The following EVI5 variants were observed in gnomAD, a reference collection of about 807,000 sequenced individuals.
The protein encoded by EVI5 is ecotropic viral integration site 5 protein homolog.
EVI5 carries 73 observed loss-of-function variants against 112.0 expected under a neutral mutation model. The observed-to-expected ratio is 0.65, with a 90% CI of 0.54 to 0.79. The LOEUF (loss-of-function observed/expected upper bound fraction) is 0.79. EVI5 is among the 30% of genes least tolerant of loss of function. EVI5 has a pLI of 0.00. For synonymous variants in EVI5, 305 were observed against 319.9 expected, an observed-to-expected ratio of 0.95 and a Z score of 0.50; for missense variants, 900 against 968.8, an observed-to-expected ratio of 0.93 and a Z score of 0.94.
chr1:92,700,697 A>C (rs1330895561), intron 5 of EVI5: 1 of 152,180 alleles, frequency 6.6e-6, no homozygotes, highest in Non-Finnish European at 1.5e-5. Flanking sequence ...TCAAGCAGAG[A>C]AAAACTGCTC....
chr1:92,670,964 C>T (rs1277666330), intron 10 of EVI5, among the ~76,000 whole-genome samples: 2 of 152,072 alleles, frequency 1.3e-5, no homozygotes, highest in African/African-American at 4.8e-5. Context: ...TGATTATCCC[C>T]CATTCTTAAT....
chr1:92,625,792 A>G lies in EVI5; in HGVS notation c.1668+2T>C. 6.2e-7 allele frequency: 1 copy of G among 1,610,362 alleles called. No individual in the cohort carries two copies. Among genetic ancestry groups the G allele is most frequent in the Non-Finnish European group, 8.5e-7 (1 of 1,178,454 alleles). On this transcript the variant is annotated splice_donor_variant, in intron 15 of 19. Transcript: ENST00000684568. LOFTEE classifies it high-confidence loss of function. The stretch of plus-strand genomic sequence containing the variant: ...AAAAGCACACAAAATATATTAATAT[A>G]CCTGCCAGTGTTCCTCTAAATCCTT...
chr1:92,654,055 G>C (rs1662606350), intron 13 of EVI5, among the ~76,000 whole-genome samples: 1 of 151,876 alleles, frequency 6.6e-6, no homozygotes, highest in Non-Finnish European at 1.5e-5. Flanking sequence ...CTCATCATTG[G>C]GGAATCCAAG....
rs1180249988 is a variant in EVI5 at position 92,736,501 on chromosome 1, A to T, written c.46T>A (p.Ser16Thr). Residue 16 changes from serine (S) to threonine (T), a missense_variant, in exon 2 of 20, where the codon TCC becomes ACC. Transcript: ENST00000684568. Reference sequence around the variant, plus strand: ...GGTGTTGATAGTGTGGTAGATGAGGATGTGGTATGTAATGAAGTAGATGGA... The same window carrying T: ...GGTGTTGATAGTGTGGTAGATGAGGTTGTGGTATGTAATGAAGTAGATGGA... ...ASPSTSLHTTSSSTTLSTPAL... is the reference protein window; with the variant it reads ...ASPSTSLHTTTSSTTLSTPAL... 2 of 1,613,776 alleles carry T rather than the reference A, an allele frequency of 1.2e-6. No homozygotes were observed. The highest frequency in any genetic ancestry group is 2.2e-5 in the East Asian group (1 of 44,870).
At chr1:92,551,664 C>A (rs6603986) in intron 19 of EVI5, among the ~76,000 whole-genome samples, 109,595 of 152,014 alleles carry the variant, frequency 0.72, 40,302 homozygotes, top group East Asian at 0.94. Flanking sequence ...GTTTATATTT[C>A]ATTTTCTCAT....
Position 92,636,265 on chromosome 1 carries a change from C to T in EVI5, c.1464G>A (p.Leu488=). 1 of 1,613,328 alleles carries T rather than the reference C, an allele frequency of 6.2e-7. No individual in the cohort carries two copies. Among genetic ancestry groups the T allele is most frequent in the South Asian group, 1.1e-5 (1 of 91,066 alleles). ...QLEKELVQAR[L]SEAESQCALK... Reference sequence around the variant, plus strand: ...ATGCACACTGAGACTCAGCTTCACTCAGTCGGGCTTGGACCAATTCCTTCT... The same window carrying T: ...ATGCACACTGAGACTCAGCTTCACTTAGTCGGGCTTGGACCAATTCCTTCT... The change falls in exon 14 of 20, where the codon CTG becomes CTA. Residue 488 remains leucine (L), a synonymous_variant. Coordinates refer to ENST00000684568, the MANE Select transcript of EVI5 (RefSeq NM_001350197.2).
chr1:92,748,083 A>G (rs1443123763), intron 1 of EVI5, among the ~76,000 whole-genome samples: 1 of 152,188 alleles, frequency 6.6e-6, no homozygotes, highest in Non-Finnish European at 1.5e-5. Context: ...ACACAATCCA[A>G]TCTGTAACAC....
intron 1 of EVI5, among the ~76,000 whole-genome samples, chr1:92,761,188 T>A (rs1347613823): frequency 6.6e-6 from 1 of 152,136 alleles, no homozygotes; most frequent in Non-Finnish European, 1.5e-5. Context: ...TACCTCAAGT[T>A]TCATAGTAAG....
intron 2 of EVI5, among the ~76,000 whole-genome samples, chr1:92,709,372 A>T (rs1000617946): frequency 2.0e-5 from 3 of 152,202 alleles, no homozygotes; most frequent in Non-Finnish European, 4.4e-5. Flanking sequence ...CAATATTTGT[A>T]AAAAATATTA....
Position 92,510,466 on chromosome 1 carries a change from T to G in EVI5, c.*3190A>C, listed in dbSNP as rs1886683. 129,739 of 152,232 alleles carry G rather than the reference T, an allele frequency of 0.85. 55,683 individuals carry two copies. The highest frequency in any genetic ancestry group is 0.97 in the East Asian group (5,027 of 5,192). 9.4% of individuals were successfully genotyped at this position (152,232 alleles called of 1,614,324 possible). A position where few individuals can be genotyped will look rare whatever the true frequency, so the allele number is the denominator to read the frequency against. ...CCCTTTTGAATAGTTCTGATTATAA[T>G]ATCCACCATGAAATTTTACGTTTCC... On this transcript the variant is annotated 3_prime_UTR_variant, in exon 20 of 20. Coordinates refer to ENST00000684568, the MANE Select transcript of EVI5 (RefSeq NM_001350197.2).
intron 19 of EVI5, among the ~76,000 whole-genome samples, chr1:92,517,529 TA>T (rs1660118590): frequency 6.6e-6 from 1 of 152,178 alleles, no homozygotes; most frequent in South Asian, 2.1e-4. Context: ...AACTCTTAAT[TA>T]TTTAGGACAA....
chr1:92,605,457 A>G (rs1201009235), intron 17 of EVI5, 55 bp from the exon 18 acceptor site: 1 of 1,220,580 alleles, frequency 8.2e-7, no homozygotes, highest in Non-Finnish European at 1.2e-6. Context: ...TGGAATTCAG[A>G]TTTTAGAAAA....
chr1:92,689,241 T>C (rs545903896), intron 9 of EVI5, among the ~76,000 whole-genome samples: 1 of 152,190 alleles, frequency 6.6e-6, no homozygotes, highest in Non-Finnish European at 1.5e-5. Context: ...CACAGCTTAC[T>C]TTGCAACCTT....
At position 92,747,716 on chromosome 1, in the gene EVI5, C is replaced by CAAAAAAAAAAAA. The variant is rs3042578; in HGVS notation, c.-81-11090_-81-11089insTTTTTTTTTTTT. 6.0e-5 allele frequency among the ~76,000 whole-genome samples: 5 copies of CAAAAAAAAAAAA among 83,546 alleles called. 2 individuals carry two copies. The highest frequency in any genetic ancestry group is 8.7e-5 in the Non-Finnish European group (4 of 45,718). 54.8% of individuals were successfully genotyped at this position (83,546 alleles called of 152,430 possible). ...GTGACAGAGCCAGACTCCATCTCAC[C>CAAAAAAAAAAAA]AAAAAAAAAAACAAAAAAAAAAACC... On this transcript the variant is annotated intron_variant, in intron 1 of 19. Coordinates refer to ENST00000684568, the MANE Select transcript of EVI5 (RefSeq NM_001350197.2).
chr1:92,696,882 T>A (rs1202527877), intron 6 of EVI5, among the ~76,000 whole-genome samples: 1 of 151,352 alleles, frequency 6.6e-6, no homozygotes, highest in East Asian at 2.0e-4. Context: ...ACTAAAAAAA[T>A]ACAAAAAATT....
chr1:92,789,878 G>A (rs12025561), upstream of EVI5, among the ~76,000 whole-genome samples: 19 of 152,332 alleles, frequency 1.2e-4, no homozygotes, highest in East Asian at 3.7e-3. Context: ...CACCAGAGAA[G>A]TCAAACCCAC....
chr1:92,735,607 TTA>T (rs1196669293), intron 2 of EVI5, among the ~76,000 whole-genome samples: 26 of 146,128 alleles, frequency 1.8e-4, no homozygotes, highest in African/African-American at 2.5e-5. Context: ...ATATTATGTA[TTA>T]TATATAATTA....
At chr1:92,713,455 T>C (rs1426874623) in intron 2 of EVI5, among the ~76,000 whole-genome samples, 2 of 151,900 alleles carry the variant, frequency 1.3e-5, no homozygotes, top group African/African-American at 4.8e-5. Context: ...TTTTTAAAAA[T>C]CATAAAATAC....
intron 2 of EVI5, among the ~76,000 whole-genome samples, chr1:92,729,509 T>G (rs1449834841): frequency 6.6e-6 from 1 of 152,182 alleles, no homozygotes; most frequent in Admixed American, 6.5e-5. Flanking sequence ...ATTTCCCTCA[T>G]GAACACAGAT....
Sources: allele counts gnomAD v4.1 joint callset (sites outside exome capture counted in the v4.1 genomes callset), GRCh38; gene constraint gnomAD v4.1.1; transcripts MANE v1.5; gene names NCBI Gene and HGNC (gene_info 2026-07-23, HGNC 2026-07-21).